Variants in MIPOL1 observed in about 807,000 individuals in gnomAD.
The protein encoded by MIPOL1 is mirror-image polydactyly 1.
Under a neutral mutation model 60.9 loss-of-function variants are expected in MIPOL1, and 57 were observed. That is an observed-to-expected ratio of 0.94 (90% CI 0.76 to 1.17). MIPOL1 has a LOEUF of 1.17. MIPOL1 is among the 50% of genes most tolerant of loss of function. The pLI is 0.00. For synonymous variants in MIPOL1, 179 were observed against 168.8 expected (o/e 1.06, Z -0.47); for missense variants, 551 against 511.6 (o/e 1.08, Z -0.74).
At chr14:37,388,834 T>C (rs2093152695) in intron 10 of MIPOL1, among the ~76,000 whole-genome samples, 1 of 152,068 alleles carries the variant, frequency 6.6e-6, no homozygotes, top group Non-Finnish European at 1.5e-5. Context: ...CTCTTTTAAC[T>C]TCAGCAAATT....
intron 11 of MIPOL1, among the ~76,000 whole-genome samples, chr14:37,491,858 G>A (rs1019582683): frequency 6.6e-6 from 1 of 152,158 alleles, no homozygotes; most frequent in Non-Finnish European, 1.5e-5. Context: ...TTACTAGACT[G>A]TCTGATTTGC....
At chr14:37,305,001 T>A (rs1386301504) in intron 7 of MIPOL1, among the ~76,000 whole-genome samples, 1 of 151,832 alleles carries the variant, frequency 6.6e-6, no homozygotes, top group African/African-American at 2.4e-5. Context: ...TTTAAGTCTT[T>A]ATTTAAATCA....
At chr14:37,360,890 A>G (rs1235406945) in intron 9 of MIPOL1, among the ~76,000 whole-genome samples, 4 of 152,022 alleles carry the variant, frequency 2.6e-5, no homozygotes, top group Admixed American at 6.6e-5. Context: ...TTGCTTCTCT[A>G]GTTCTTTTAA....
chr14:37,399,518 C>T (rs2153528550), intron 10 of MIPOL1, among the ~76,000 whole-genome samples: 1 of 152,202 alleles, frequency 6.6e-6, no homozygotes, highest in South Asian at 2.1e-4. Context: ...TTCTCATTTT[C>T]ATTATCTGAG....
intron 6 of MIPOL1, among the ~76,000 whole-genome samples, chr14:37,281,313 A>C (rs1196102788): frequency 6.6e-6 from 1 of 152,194 alleles, no homozygotes; most frequent in African/African-American, 2.4e-5. Context: ...TCAGTTGACC[A>C]TAATTGTGTG....
rs773684956 is a variant in MIPOL1, at chr14:37,499,950, G to C, written c.1074G>C (p.Gln358His). Residue 358 changes from glutamine to histidine, a missense_variant, in exon 12 of 13, where the codon CAG becomes CAC. Transcript: ENST00000684589. ...SLSQEENLKDQFNYTLSTYEE... is the reference protein window; with the variant it reads ...SLSQEENLKDHFNYTLSTYEE... ...CTCAAGAAGAAAATCTGAAGGATCA[G>C]TTTAACTATACCCTTAGTACATATG... 2 of 1,606,486 alleles carry C rather than the reference G, an allele frequency of 1.2e-6. No individual in the cohort carries two copies. The highest frequency in any genetic ancestry group is 1.1e-5 in the South Asian group (1 of 89,662).
At chr14:37,319,625 A>G (rs972214027) in intron 9 of MIPOL1, among the ~76,000 whole-genome samples, 1 of 152,154 alleles carries the variant, frequency 6.6e-6, no homozygotes, top group African/African-American at 2.4e-5. Context: ...CAAGGAGAGG[A>G]ATAGATTTGA....
intron 3 of MIPOL1, among the ~76,000 whole-genome samples, chr14:37,254,492 TAGATTTACAGTAAAA>T (rs1458847980): frequency 3.3e-5 from 5 of 151,730 alleles, no homozygotes; most frequent in Non-Finnish European, 5.9e-5. Flanking sequence ...AGAACAGTTT[TAGATTTACAGTAAAA>T]TTGAGTTGAA....
intron 3 of MIPOL1, among the ~76,000 whole-genome samples, chr14:37,253,458 C>T (rs921355410): frequency 6.6e-6 from 1 of 151,538 alleles, no homozygotes; most frequent in African/African-American, 2.4e-5. Flanking sequence ...ATTTCACATA[C>T]CAGAGTAATT....
chr14:37,258,717 G>A (rs1396671467), intron 3 of MIPOL1, among the ~76,000 whole-genome samples: 1 of 152,002 alleles, frequency 6.6e-6, no homozygotes, highest in Non-Finnish European at 1.5e-5. Flanking sequence ...AAATTTAAAA[G>A]CTTAAACATA....
chr14:37,533,381 T>C (rs2095490788), intron 12 of MIPOL1, among the ~76,000 whole-genome samples: 1 of 152,184 alleles, frequency 6.6e-6, no homozygotes, highest in Non-Finnish European at 1.5e-5. Flanking sequence ...AACAGTATAA[T>C]TGAGCAGTTT....
At chr14:37,343,976 T>C (rs1004267990) in intron 9 of MIPOL1, among the ~76,000 whole-genome samples, 1 of 152,118 alleles carries the variant, frequency 6.6e-6, no homozygotes, top group African/African-American at 2.4e-5. Flanking sequence ...AAAATATATG[T>C]CTCCCATTCA....
chr14:37,234,124 A>G (rs1971055320), intron 1 of MIPOL1, among the ~76,000 whole-genome samples: 1 of 152,146 alleles, frequency 6.6e-6, no homozygotes, highest in Non-Finnish European at 1.5e-5. Flanking sequence ...TGGTTTTGGC[A>G]CCCATCGGGT....
chr14:37,506,793 C>G (rs1429999019), intron 12 of MIPOL1: 1 of 152,130 alleles, frequency 6.6e-6, no homozygotes, highest in African/African-American at 2.4e-5. Context: ...AAGAAACTAT[C>G]ATCAGAGTGA....
chr14:37,220,513 T>C (rs373615857), intron 1 of MIPOL1, among the ~76,000 whole-genome samples: 104 of 152,318 alleles, frequency 6.8e-4, no homozygotes, highest in African/African-American at 2.4e-3. Flanking sequence ...TTGTGTGTTA[T>C]AGCTTATGAT....
chr14:37,357,290 G>C (rs1487192090), intron 9 of MIPOL1, among the ~76,000 whole-genome samples: 3 of 152,134 alleles, frequency 2.0e-5, no homozygotes, highest in African/African-American at 7.2e-5. Context: ...TGTTTCCTAT[G>C]CTGTGCAGAT....
chr14:37,285,455 C>T lies in MIPOL1; in HGVS notation c.623+8C>T. The T allele has an allele frequency of 6.2e-7, 1 of 1,612,600 alleles. No homozygotes were observed. The highest frequency in any genetic ancestry group is 2.2e-5 in the East Asian group (1 of 44,834). On this transcript the variant is annotated splice_region_variant and intron_variant, in intron 7 of 12. Coordinates refer to ENST00000684589, the MANE Select transcript of MIPOL1 (RefSeq NM_001388067.1). Reference sequence around the variant, plus strand: ...GGAAATGTCTCTAAAAGTGTATGTACACATTTAAAACTCAGTATGATATTA... The same window carrying T: ...GGAAATGTCTCTAAAAGTGTATGTATACATTTAAAACTCAGTATGATATTA...
At chr14:37,486,209 A>G (rs1172411481) in intron 11 of MIPOL1, among the ~76,000 whole-genome samples, 2 of 152,120 alleles carry the variant, frequency 1.3e-5, no homozygotes, top group African/African-American at 2.4e-5. Context: ...CTGTTTTGCT[A>G]CCAGTACCAT....
intron 10 of MIPOL1, among the ~76,000 whole-genome samples, chr14:37,386,356 A>G (rs1442535054): frequency 1.3e-5 from 2 of 152,054 alleles, no homozygotes; most frequent in African/African-American, 4.8e-5. Flanking sequence ...TTCCTTCTAC[A>G]TGCAAATTCT....
Sources: gnomAD v4.1 joint callset for allele counts (sites outside exome capture counted in the v4.1 genomes callset) on GRCh38, gnomAD v4.1.1 for gene constraint, MANE v1.5 for transcripts, NCBI Gene and HGNC (gene_info 2026-07-23, HGNC 2026-07-21) for gene names.